Variants in NEK11 observed in about 807,000 individuals in gnomAD.
NEK11 encodes the protein serine/threonine-protein kinase Nek11.
NEK11 carries 72 observed loss-of-function variants against 80.7 expected under a neutral mutation model. The ratio of observed to expected loss-of-function variants is 0.89; its 90% CI spans 0.74 to 1.08. The LOEUF (loss-of-function observed/expected upper bound fraction) is 1.08. Ranked by LOEUF, NEK11 falls within the 50% of genes least tolerant of loss-of-function variation. The pLI is 0.00. For missense variants in NEK11, 764 were observed against 763.6 expected, an observed-to-expected ratio of 1.00 and a Z score of -0.01; for synonymous variants, 251 against 260.7, an observed-to-expected ratio of 0.96 and a Z score of 0.36.
rs555399056 is a variant in NEK11, at chr3:131,071,255, A to G, written c.171-9168A>G. Among the ~76,000 whole-genome samples, 3 of 152,242 alleles carry G rather than the reference A, an allele frequency of 2.0e-5. No homozygotes were observed. In the South Asian group the frequency reaches 6.2e-4, roughly 32 times the overall value. On this transcript the variant is annotated intron_variant, in intron 3 of 17. Coordinates refer to ENST00000383366, the MANE Select transcript of NEK11 (RefSeq NM_024800.5). Reference sequence around the variant, plus strand: ...CAAATTTTTATAAACTTGCATTTTTAGTACTTTTTTATCTCCTATCACTAG... The same window carrying G: ...CAAATTTTTATAAACTTGCATTTTTGGTACTTTTTTATCTCCTATCACTAG...
chr3:131,278,988 G>C (rs1242907495), intron 17 of NEK11, among the ~76,000 whole-genome samples: 2 of 151,978 alleles, frequency 1.3e-5, no homozygotes, highest in Non-Finnish European at 2.9e-5. Flanking sequence ...ACCAGAATGT[G>C]AGTTGGAATC....
chr3:131,166,429 A>G (rs1426600626), intron 12 of NEK11, among the ~76,000 whole-genome samples: 8 of 152,216 alleles, frequency 5.3e-5, no homozygotes, highest in Admixed American at 5.2e-4. Context: ...TCAGCCAGAC[A>G]GGGCCCCTCT....
intron 16 of NEK11, among the ~76,000 whole-genome samples, chr3:131,272,907 T>A (rs2096225292): frequency 6.6e-6 from 1 of 152,184 alleles, no homozygotes; most frequent in Admixed American, 6.5e-5. Context: ...GCAGATTTCA[T>A]TACACCTCAA....
At chr3:131,273,641 C>A in intron 17 of NEK11, 67 bp downstream of exon 17, 2 of 1,186,412 alleles carry the variant, frequency 1.7e-6, no homozygotes, top group Non-Finnish European at 2.5e-6. Flanking sequence ...AGTGTGTGAC[C>A]CAGTCATGTG....
chr3:131,135,031 A>G (rs1249557623), intron 7 of NEK11, among the ~76,000 whole-genome samples: 1 of 152,262 alleles, frequency 6.6e-6, no homozygotes, highest in African/African-American at 2.4e-5. Flanking sequence ...AAAGACAAGC[A>G]GTGTAAAAGA....
chr3:131,334,517 A>G (rs1436229366), intron 17 of NEK11, among the ~76,000 whole-genome samples: 1 of 151,386 alleles, frequency 6.6e-6, no homozygotes. Flanking sequence ...AGAAAGCAGG[A>G]AAGATCCAAA....
chr3:131,115,960 T>TTCTTTCTTTCTTTC lies in NEK11; in HGVS notation c.455+6041_455+6054dup, dbSNP rs1553878536. ...TTTCTTTCTTTCTTTCTTTCTTTCT[T>TTCTTTCTTTCTTTC]TCTTTCTTTCTTTCTTTCTTTCTTT... is the stretch of plus-strand genomic sequence containing the variant. On this transcript the variant is annotated intron_variant, in intron 5 of 17. Transcript: ENST00000383366. 6.0e-4 allele frequency among the ~76,000 whole-genome samples: 86 copies of TTCTTTCTTTCTTTC among 142,618 alleles called. 1 individual carries two copies. Among genetic ancestry groups the TTCTTTCTTTCTTTC allele is most frequent in the African/African-American group, 1.9e-3 (73 of 37,884 alleles). 93.6% of individuals were successfully genotyped at this position (142,618 alleles called of 152,430 possible). A position where few individuals can be genotyped will look rare whatever the true frequency, so the allele number is the denominator to read the frequency against.
At chr3:131,140,390 A>G (rs1327954237) in intron 7 of NEK11, among the ~76,000 whole-genome samples, 1 of 152,136 alleles carries the variant, frequency 6.6e-6, no homozygotes, top group Non-Finnish European at 1.5e-5. Flanking sequence ...TTGGCCAGTG[A>G]TGTGCGTGAG....
chr3:131,233,869 C>G (rs908752491), intron 15 of NEK11, among the ~76,000 whole-genome samples: 1 of 152,208 alleles, frequency 6.6e-6, no homozygotes, highest in Non-Finnish European at 1.5e-5. Context: ...TTGAAAGATA[C>G]TGTTTGTGAC....
At chr3:131,191,798 A>C (rs2093807893) in intron 14 of NEK11, among the ~76,000 whole-genome samples, 2 of 152,180 alleles carry the variant, frequency 1.3e-5, no homozygotes, top group South Asian at 4.1e-4. Flanking sequence ...CTAGACCCTT[A>C]CCTCATACCA....
chr3:131,080,336 A>G (rs1399161532), intron 3 of NEK11, 87 bp from the exon 4 acceptor site: 2 of 952,606 alleles, frequency 2.1e-6, no homozygotes, highest in African/African-American at 3.3e-5. Flanking sequence ...CAACCTGGGC[A>G]TTAATTAATG....
chr3:131,216,939 G>A (rs2094857875), intron 14 of NEK11, among the ~76,000 whole-genome samples: 1 of 152,166 alleles, frequency 6.6e-6, no homozygotes, highest in African/African-American at 2.4e-5. Context: ...CAGCTTCTCT[G>A]GGACCTCCAG....
In NEK11 at chr3:131,109,808, A is replaced by T; in HGVS notation, c.342A>T (p.Arg114=). The change falls in exon 5 of 18, where the codon CGA becomes CGT. Residue 114 remains arginine (R), a synonymous_variant. Transcript: ENST00000383366. ...GATTATGCTCTTCATTTCAGGGCCG[A>T]GATCTGGACGATAAAATTCAGGAAT... ...FCIITEYCEG[R]DLDDKIQEYK... 5 of 1,589,496 alleles carry T rather than the reference A, an allele frequency of 3.1e-6. No homozygotes were observed. Among genetic ancestry groups the T allele is most frequent in the Non-Finnish European group, 4.3e-6 (5 of 1,172,900 alleles).
intron 7 of NEK11, among the ~76,000 whole-genome samples, chr3:131,146,708 G>A (rs2088371675): frequency 6.6e-6 from 1 of 151,876 alleles, no homozygotes; most frequent in Non-Finnish European, 1.5e-5. Flanking sequence ...TACTGACTTG[G>A]TATTGTCTGT....
intron 15 of NEK11, among the ~76,000 whole-genome samples, chr3:131,237,593 G>A (rs2095451573): frequency 6.6e-6 from 1 of 151,802 alleles, no homozygotes; most frequent in Non-Finnish European, 1.5e-5. Flanking sequence ...CCTGGGAGTG[G>A]GGTTAGGAGT....
intron 12 of NEK11, among the ~76,000 whole-genome samples, chr3:131,166,295 T>C (rs2092225638): frequency 1.3e-5 from 2 of 152,224 alleles, no homozygotes; most frequent in South Asian, 4.1e-4. Context: ...TTCTCTCCTT[T>C]AGCAGGAAGC....
At chr3:131,039,851 C>T (rs1416186087) in intron 3 of NEK11, among the ~76,000 whole-genome samples, 2 of 152,264 alleles carry the variant, frequency 1.3e-5, no homozygotes, top group Middle Eastern at 3.4e-3. Flanking sequence ...AAATAGTGCA[C>T]TTTGAGTGAT....
chr3:131,336,728 G>C (rs973018373), intron 17 of NEK11, among the ~76,000 whole-genome samples: 6 of 152,152 alleles, frequency 3.9e-5, no homozygotes, highest in Non-Finnish European at 7.3e-5. Flanking sequence ...ATTTGACAAA[G>C]GGCTAATATC....
intron 17 of NEK11, among the ~76,000 whole-genome samples, chr3:131,290,026 G>T (rs1242104924): frequency 6.6e-6 from 1 of 152,218 alleles, no homozygotes; most frequent in African/African-American, 2.4e-5. Context: ...GATTGAAGCA[G>T]ACAACTGAGT....
Sources: allele counts gnomAD v4.1 joint callset (sites outside exome capture counted in the v4.1 genomes callset), GRCh38; gene constraint gnomAD v4.1.1; transcripts MANE v1.5; gene names NCBI Gene and HGNC (gene_info 2026-07-23, HGNC 2026-07-21).